Variants in PTPRD observed in about 807,000 individuals in gnomAD.
The protein encoded by PTPRD is receptor-type tyrosine-protein phosphatase delta.
PTPRD carries 34 observed loss-of-function variants against 214.5 expected under a neutral mutation model. That is an observed-to-expected ratio of 0.16 (90% confidence interval 0.12 to 0.21). The LOEUF is 0.21. Among genes scored for constraint, PTPRD ranks in the 10% least tolerant of loss-of-function variants. The pLI is 1.00. For synonymous variants in PTPRD, 1,128 were observed against 845.7 expected (o/e 1.33, Z -5.79); for missense variants, 2,545 against 2,398.7 (o/e 1.06, Z -1.27).
chr9:9,107,713 T>C (rs1451407974), intron 10 of PTPRD, among the ~76,000 whole-genome samples: 3 of 152,202 alleles, frequency 2.0e-5, no homozygotes, highest in Admixed American at 6.5e-5. Flanking sequence ...CTCCTGAATT[T>C]CTTACAGTGA....
At chr9:10,170,523 T>C (rs1013025533) in intron 3 of PTPRD, among the ~76,000 whole-genome samples, 5 of 151,980 alleles carry the variant, frequency 3.3e-5, no homozygotes, top group African/African-American at 9.7e-5. Flanking sequence ...CCGTCTCTAC[T>C]AAAAACACAA....
rs538848220 is a variant in PTPRD, at chr9:8,511,313, C to T, written c.1544-3879G>A. On this transcript the variant is annotated intron_variant, in intron 21 of 45. Transcript: ENST00000381196. The stretch of plus-strand genomic sequence containing the variant: ...CTGAACTTCCTGGGCTCAAGAAATC[C>T]TTCCACCTCGACCACTCAAAGCACT... Among the ~76,000 whole-genome samples the T allele has an allele frequency of 1.1e-3, 174 of 152,246 alleles. 1 individual carries two copies. Among genetic ancestry groups the T allele is most frequent in the African/African-American group, 3.9e-3 (162 of 41,554 alleles).
At position 8,485,926 on chromosome 9, in the gene PTPRD, G is replaced by T. The variant is rs770180884; in HGVS notation, c.2891C>A (p.Pro964His). Residue 964 changes from proline to histidine, a missense_variant, in exon 28 of 46, where the codon CCC becomes CAC. By Grantham distance (77) the Pro-to-His change is moderately conservative. Coordinates refer to ENST00000381196, the MANE Select transcript of PTPRD (RefSeq NM_002839.4). ...AATAAGCTGCTCCATCGGGAGAAGG[G>T]GGATGTTGATATCCCTATAAAGAAG... is the stretch of plus-strand genomic sequence containing the variant. ...YTLLYRDINIPLLPMEQLIVP... is the reference protein window; with the variant it reads ...YTLLYRDINIHLLPMEQLIVP... 6 of 1,614,164 alleles carry T rather than the reference G, an allele frequency of 3.7e-6. No homozygotes were observed. The highest frequency in any genetic ancestry group is 5.1e-6 in the Non-Finnish European group (6 of 1,180,038).
rs1244018219 is a variant in PTPRD, at chr9:10,285,759, T to A, written c.-545+55204A>T. On this transcript the variant is annotated intron_variant, in intron 3 of 45. Transcript: ENST00000381196. ...CCGAGTAGCTGGGATTACAGGCGCC[T>A]GCCACCATGCCTGGCTAACTTTTTG... 2.0e-5 allele frequency among the ~76,000 whole-genome samples: 3 copies of A among 152,042 alleles called. No homozygotes were observed. The South Asian group carries it at 6.2e-4, about 32-fold the overall frequency.
chr9:8,892,862 T>A (rs1587529431), intron 11 of PTPRD, among the ~76,000 whole-genome samples: 1 of 151,874 alleles, frequency 6.6e-6, no homozygotes, highest in East Asian at 1.9e-4. Context: ...AGCACACAGA[T>A]AATTCACTGA....
chr9:10,559,952 C>T (rs1277979166), intron 2 of PTPRD, among the ~76,000 whole-genome samples: 1 of 152,148 alleles, frequency 6.6e-6, no homozygotes, highest in Non-Finnish European at 1.5e-5. Flanking sequence ...CACTTTTACA[C>T]TGTTGGTGGG....
At chr9:9,960,133 G>A (rs1296649170) in intron 4 of PTPRD, among the ~76,000 whole-genome samples, 1 of 150,602 alleles carries the variant, frequency 6.6e-6, no homozygotes, top group Non-Finnish European at 1.5e-5. Context: ...GCAACAACTT[G>A]GAACAACCAG....
intron 8 of PTPRD, among the ~76,000 whole-genome samples, chr9:9,463,500 G>C (rs1321474741): frequency 6.6e-6 from 1 of 152,010 alleles, no homozygotes; most frequent in Non-Finnish European, 1.5e-5. Context: ...GCAGGCAAAG[G>C]AGACCAAAAT....
intron 5 of PTPRD, among the ~76,000 whole-genome samples, chr9:9,833,545 G>T (rs956604868): frequency 1.4e-4 from 21 of 150,946 alleles, no homozygotes; most frequent in Non-Finnish European, 2.9e-5. Flanking sequence ...CAGGAGACAG[G>T]GTTTTGAGAT....
chr9:8,391,284 A>T (rs1162073863), intron 36 of PTPRD, among the ~76,000 whole-genome samples: 1 of 152,170 alleles, frequency 6.6e-6, no homozygotes, highest in East Asian at 1.9e-4. Context: ...AATCAGATGG[A>T]AACTACTGCA....
At chr9:9,953,682 A>T (rs150390063) in intron 4 of PTPRD, among the ~76,000 whole-genome samples, 2 of 152,216 alleles carry the variant, frequency 1.3e-5, no homozygotes, top group East Asian at 3.9e-4. Context: ...GCTCACTGAG[A>T]TCCCCTCAGT....
chr9:9,644,961 C>T (rs2096100051), intron 7 of PTPRD, among the ~76,000 whole-genome samples: 1 of 152,192 alleles, frequency 6.6e-6, no homozygotes, highest in East Asian at 1.9e-4. Flanking sequence ...TCCTGGATGC[C>T]ACACAAGAAC....
intron 3 of PTPRD, 36 bp downstream of exon 3, chr9:10,340,924 TTTC>T (rs2096927937): frequency 6.6e-6 from 1 of 151,980 alleles, no homozygotes; most frequent in African/African-American, 2.4e-5. Context: ...TAGAATTCAG[TTTC>T]TTATTATCTA....
intron 11 of PTPRD, among the ~76,000 whole-genome samples, chr9:8,962,536 GAA>G (rs1291216602): frequency 1.9e-5 from 2 of 106,530 alleles, no homozygotes; most frequent in East Asian, 3.5e-4. Context: ...GAAGAAGAGA[GAA>G]AGAGAGAGAG....
chr9:9,737,523 C>T (rs1306874974), intron 6 of PTPRD, among the ~76,000 whole-genome samples: 2 of 152,106 alleles, frequency 1.3e-5, no homozygotes, highest in African/African-American at 2.4e-5. Flanking sequence ...GTATCTTCTT[C>T]CCCTGATAAC....
chr9:9,571,783 A>T (rs2086503919), intron 8 of PTPRD, among the ~76,000 whole-genome samples: 1 of 151,068 alleles, frequency 6.6e-6, no homozygotes, highest in African/African-American at 2.4e-5. Context: ...TTAAATTATT[A>T]AATAACTACA....
chr9:8,342,006 C>G (rs770081449), intron 39 of PTPRD, 28 bp from the exon 40 acceptor site: 2 of 1,553,118 alleles, frequency 1.3e-6, no homozygotes, highest in Non-Finnish European at 1.7e-6. Flanking sequence ...AAGAAAAGCC[C>G]AAATAAACCT....
At chr9:10,258,609 C>T (rs993979232) in intron 3 of PTPRD, among the ~76,000 whole-genome samples, 1 of 152,206 alleles carries the variant, frequency 6.6e-6, no homozygotes, top group Admixed American at 6.5e-5. Context: ...CAACAATCAT[C>T]TGAATACTCA....
At chr9:9,017,776 T>C (rs533352753) in intron 11 of PTPRD, among the ~76,000 whole-genome samples, 3 of 152,308 alleles carry the variant, frequency 2.0e-5, no homozygotes, top group African/African-American at 4.8e-5. Context: ...CTTCTATTTA[T>C]AAACCATTCA....
Sources: allele counts gnomAD v4.1 joint callset (sites outside exome capture counted in the v4.1 genomes callset), GRCh38; gene constraint gnomAD v4.1.1; transcripts MANE v1.5; gene names NCBI Gene and HGNC (gene_info 2026-07-23, HGNC 2026-07-21).